Variants in ZNF486 observed in about 807,000 individuals in gnomAD.
ZNF486 encodes KRAB box only protein 2.
In ZNF486, 12 loss-of-function variants were observed where a neutral mutation model predicts 12.8. That is an observed-to-expected ratio of 0.94 (90% CI 0.60 to 1.52). ZNF486 has a LOEUF of 1.52. ZNF486 is among the 40% of genes most tolerant of loss of function. The probability of loss-of-function intolerance (pLI) is 0.00; values close to 1 mark genes in which losing one functional copy is unlikely to be tolerated. For synonymous variants in ZNF486, 231 were observed against 184.9 expected, an observed-to-expected ratio of 1.25 and a Z score of -2.02; for missense variants, 738 against 545.0, an observed-to-expected ratio of 1.35 and a Z score of -3.53.
intron 3 of ZNF486, among the ~76,000 whole-genome samples, chr19:20,191,320 A>C (rs1555717147): frequency 6.6e-6 from 1 of 151,316 alleles, no homozygotes; most frequent in East Asian, 1.9e-4. Context: ...AAATACAAAA[A>C]GCCGGGCGTG....
chr19:20,199,129 A>G lies in ZNF486; in HGVS notation c.*1027A>G, dbSNP rs2089989954. 6.6e-6 allele frequency: 1 copy of G among 152,190 alleles called. No individual in the cohort carries two copies. The highest frequency in any genetic ancestry group is 6.6e-5 in the Admixed American group (1 of 15,246). 9.4% of individuals were successfully genotyped at this position (152,190 alleles called of 1,614,324 possible). ...TGAGAAAAATTGTACAAATATAAAG[A>G]ATATGGAAAAGCCATTAATGTCCAT... On this transcript the variant is annotated 3_prime_UTR_variant, in exon 4 of 4. Transcript: ENST00000335117.
At position 20,167,264 on chromosome 19, in the gene ZNF486, C is replaced by G. The variant is rs782291815; in HGVS notation, c.-67C>G. 1.9e-6 allele frequency: 3 copies of G among 1,601,286 alleles called. No homozygotes were observed. In the South Asian group the frequency reaches 3.3e-5, roughly 18 times the overall value. On this transcript the variant is annotated 5_prime_UTR_variant, in exon 1 of 4. Transcript: ENST00000335117. The stretch of plus-strand genomic sequence containing the variant: ...GGTCGCCTCTTCGCTACTCTGTGTC[C>G]TCTGCTCCTAGAGGCCCACCCTCTG...
At chr19:20,168,039 C>T (rs1191677518) in intron 1 of ZNF486, among the ~76,000 whole-genome samples, 1 of 151,630 alleles carries the variant, frequency 6.6e-6, no homozygotes, top group Non-Finnish European at 1.5e-5. Context: ...AGGGGAAGGA[C>T]ACAAAAACAA....
rs541576808 is a variant in ZNF486 at position 20,197,101 on chromosome 19, G to A, written c.391G>A (p.Glu131Lys). ...HFKKGCESVD[E>K]CKLHKRGYNG... ...TAAAAAAGGCTGTGAAAGTGTGGAT[G>A]AGTGTAAGTTACACAAAAGAGGTTA... The change falls in exon 4 of 4, where the codon GAG (glutamate) becomes AAG (lysine). Residue 131 changes from glutamate (E) to lysine (K), a missense_variant. Glu to Lys is a moderately conservative substitution (Grantham distance 56, BLOSUM62 1). Transcript: ENST00000335117. 6.2e-7 allele frequency: 1 copy of A among 1,613,326 alleles called. No individual in the cohort carries two copies. Among genetic ancestry groups the A allele is most frequent in the African/African-American group, 1.3e-5 (1 of 75,010 alleles).
intron 1 of ZNF486, among the ~76,000 whole-genome samples, chr19:20,169,109 G>A (rs1599690992): frequency 6.6e-6 from 1 of 151,928 alleles, no homozygotes; most frequent in African/African-American, 2.4e-5. Flanking sequence ...GAAGTGGTGG[G>A]GTTACTACAT....
At chr19:20,187,119 TG>T (rs1475386191) in intron 3 of ZNF486, among the ~76,000 whole-genome samples, 2 of 151,902 alleles carry the variant, frequency 1.3e-5, no homozygotes, top group Non-Finnish European at 2.9e-5. Flanking sequence ...TTTACCTCCT[TG>T]GTTTTTTTCT....
intron 3 of ZNF486, among the ~76,000 whole-genome samples, chr19:20,187,333 C>T (rs782460819): frequency 3.3e-5 from 5 of 151,992 alleles, no homozygotes; most frequent in Non-Finnish European, 5.9e-5. Flanking sequence ...GATCTACAAA[C>T]AGCGACTTTT....
chr19:20,193,919 A>T (rs1555717553), intron 3 of ZNF486, among the ~76,000 whole-genome samples: 1 of 152,158 alleles, frequency 6.6e-6, no homozygotes, highest in African/African-American at 2.4e-5. Context: ...AACCTAAAAG[A>T]TCCAACAATA....
chr19:20,171,874 C>G (rs111930365), intron 1 of ZNF486, among the ~76,000 whole-genome samples: 3 of 152,300 alleles, frequency 2.0e-5, no homozygotes, highest in African/African-American at 7.2e-5. Context: ...TCCTCACACC[C>G]TCCACCCTCA....
intron 3 of ZNF486, chr19:20,188,585 G>C: frequency 5.0e-6 from 2 of 397,458 alleles, no homozygotes; most frequent in Non-Finnish European, 8.9e-6. Context: ...TTGGGAGATG[G>C]AGGGGGAGTC....
rs1395291813 is a variant in ZNF486 at position 20,183,030 on chromosome 19, C to T, written c.31-1326C>T. ...ACTTCTCTACTTGTGTTTTCCCTCCCTGAGTTTGGTTTTACTACTTAAAAT... is the reference window on the plus strand; with the variant it reads ...ACTTCTCTACTTGTGTTTTCCCTCCTTGAGTTTGGTTTTACTACTTAAAAT... On this transcript the variant is annotated intron_variant, in intron 1 of 3. Transcript: ENST00000335117. 2.6e-5 allele frequency among the ~76,000 whole-genome samples: 4 copies of T among 152,224 alleles called. No homozygotes were observed. In the East Asian group the frequency reaches 5.8e-4, roughly 22 times the overall value.
intron 1 of ZNF486, among the ~76,000 whole-genome samples, chr19:20,183,544 G>C (rs1555715879): frequency 2.0e-5 from 3 of 152,040 alleles, no homozygotes; most frequent in Non-Finnish European, 4.4e-5. Context: ...TACTTTCTTT[G>C]GGAGGAATAT....
At chr19:20,180,768 C>T (rs575990146) in intron 1 of ZNF486, among the ~76,000 whole-genome samples, 1 of 152,232 alleles carries the variant, frequency 6.6e-6, no homozygotes, top group South Asian at 2.1e-4. Context: ...TCGTGATCCA[C>T]CCACCTTGGC....
At chr19:20,186,872 C>T (rs1288636242) in intron 3 of ZNF486, among the ~76,000 whole-genome samples, 1 of 148,390 alleles carries the variant, frequency 6.7e-6, no homozygotes, top group African/African-American at 2.5e-5. Context: ...CAAACTCTGC[C>T]TCCTGGGTTC....
intron 1 of ZNF486, chr19:20,176,110 G>A (rs1555714725): frequency 1.1e-4 from 20 of 183,668 alleles, no homozygotes. Context: ...CCTCTCAGAT[G>A]GGGCGGCCAG....
intron 3 of ZNF486, among the ~76,000 whole-genome samples, chr19:20,190,698 T>C (rs2089893643): frequency 4.6e-5 from 7 of 152,208 alleles, no homozygotes; most frequent in Admixed American, 4.6e-4. Flanking sequence ...ACTTTTAAAT[T>C]TAATAAAACT....
Position 20,198,198 on chromosome 19 carries a change from C to T in ZNF486, c.*96C>T, listed in dbSNP as rs2122691294. ...ATGGCATAATTTTGGCTCACCACAA[C>T]CTCCACCTTCTGGGTTCAAGTAACT... On this transcript the variant is annotated 3_prime_UTR_variant, in exon 4 of 4. Coordinates refer to ENST00000335117, the MANE Select transcript of ZNF486 (RefSeq NM_052852.4). The T allele has an allele frequency of 9.5e-7, 1 of 1,058,020 alleles. No individual in the cohort carries two copies. The highest frequency in any genetic ancestry group is 1.4e-6 in the Non-Finnish European group (1 of 739,694). 65.5% of individuals were successfully genotyped at this position (1,058,020 alleles called of 1,614,324 possible).
At chr19:20,192,239 A>T (rs1369725995) in intron 3 of ZNF486, among the ~76,000 whole-genome samples, 1 of 152,142 alleles carries the variant, frequency 6.6e-6, no homozygotes, top group Admixed American at 6.6e-5. Flanking sequence ...AGTCTCTTGT[A>T]GGCAGCATAC....
rs1467776136 is a variant in ZNF486 at position 20,197,053 on chromosome 19, T to C, written c.343T>C (p.Cys115Arg). The change falls in exon 4 of 4, where the codon TGT becomes CGT. Residue 115 changes from cysteine to arginine, a missense_variant. By Grantham distance (180) the Cys-to-Arg change is radical. Coordinates refer to ENST00000335117, the MANE Select transcript of ZNF486 (RefSeq NM_052852.4). ...QKVILRKFEK[C>R]GHGNLHFKKG... Reference sequence around the variant, plus strand: ...AGTGATACTGAGAAAATTTGAAAAATGTGGACATGGCAATTTACACTTTAA... The same window carrying C: ...AGTGATACTGAGAAAATTTGAAAAACGTGGACATGGCAATTTACACTTTAA... 17 of 1,611,418 alleles carry C rather than the reference T, an allele frequency of 1.1e-5. No homozygotes were observed. The highest frequency in any genetic ancestry group is 1.4e-5 in the Non-Finnish European group (17 of 1,179,476).
Sources: gnomAD v4.1 joint callset for allele counts (sites outside exome capture counted in the v4.1 genomes callset) on GRCh38, gnomAD v4.1.1 for gene constraint, MANE v1.5 for transcripts, NCBI Gene and HGNC (gene_info 2026-07-23, HGNC 2026-07-21) for gene names.